The following ANKFN1 variants were observed in gnomAD, a reference collection of about 807,000 sequenced individuals.
ANKFN1 encodes the protein ankyrin repeat and fibronectin type III domain containing 1.
ANKFN1 carries 74 observed loss-of-function variants against 108.7 expected under a neutral mutation model. That is an observed-to-expected ratio of 0.68 (90% CI 0.56 to 0.83). ANKFN1 has a LOEUF of 0.83. ANKFN1 is among the 40% of genes least tolerant of loss of function. ANKFN1 has a pLI of 0.00. For synonymous variants in ANKFN1, 547 were observed against 516.2 expected, an observed-to-expected ratio of 1.06 and a Z score of -0.81; for missense variants, 1,505 against 1,382.3, an observed-to-expected ratio of 1.09 and a Z score of -1.41.
intron 3 of ANKFN1, among the ~76,000 whole-genome samples, chr17:56,313,102 G>T (rs2045089745): frequency 6.6e-6 from 1 of 150,596 alleles, no homozygotes; most frequent in Non-Finnish European, 1.5e-5. Context: ...GCAATGAGCT[G>T]AGATCATGCC....
At chr17:56,349,793 C>T (rs2046200117) in intron 4 of ANKFN1, among the ~76,000 whole-genome samples, 1 of 152,056 alleles carries the variant, frequency 6.6e-6, no homozygotes, top group Non-Finnish European at 1.5e-5. Context: ...AAATTTAAAA[C>T]ATCTGAGGGG....
intron 8 of ANKFN1, among the ~76,000 whole-genome samples, chr17:56,421,332 A>G (rs1239641440): frequency 6.6e-6 from 1 of 152,182 alleles, no homozygotes; most frequent in Non-Finnish European, 1.5e-5. Context: ...AACGTATGTC[A>G]GTTCTGGATG....
At chr17:56,485,623 T>C (rs1222689062) in intron 18 of ANKFN1, among the ~76,000 whole-genome samples, 1 of 152,210 alleles carries the variant, frequency 6.6e-6, no homozygotes, top group East Asian at 1.9e-4. Context: ...AATCCAGTGG[T>C]CATCCCCCTA....
chr17:56,096,319 A>T (rs1419467602), intron 4 of ANKFN1, among the ~76,000 whole-genome samples: 1 of 152,160 alleles, frequency 6.6e-6, no homozygotes, highest in Admixed American at 6.5e-5. Context: ...GTTAGTTACC[A>T]TTCTCTCATG....
chr17:56,385,618 T>G (rs993437011), intron 8 of ANKFN1, among the ~76,000 whole-genome samples: 1 of 151,888 alleles, frequency 6.6e-6, no homozygotes, highest in Non-Finnish European at 1.5e-5. Context: ...TCAAACAAAT[T>G]TACAAGAAAA....
chr17:56,450,934 A>G (rs1243701221), intron 11 of ANKFN1, among the ~76,000 whole-genome samples: 2 of 152,208 alleles, frequency 1.3e-5, no homozygotes, highest in South Asian at 2.1e-4. Context: ...AACTTCTGTC[A>G]TGTATATGCT....
rs929947391 is a variant in ANKFN1, at chr17:56,055,596, T to C, written c.288+9271T>C. Reference sequence around the variant, plus strand: ...ATATATATATATATATATGTATATATACACATTTTTTTATCCAGTCAATCA... The same window carrying C: ...ATATATATATATATATATGTATATACACACATTTTTTTATCCAGTCAATCA... On this transcript the variant is annotated intron_variant, in intron 4 of 12. Coordinates refer to the ANKFN1 transcript ENST00000635860. 9.2e-4 allele frequency among the ~76,000 whole-genome samples: 120 copies of C among 130,638 alleles called. 9 individuals carry two copies. The highest frequency in any genetic ancestry group is 3.2e-3 in the African/African-American group (102 of 32,374). 85.7% of individuals were successfully genotyped at this position (130,638 alleles called of 152,430 possible).
intron 2 of ANKFN1, among the ~76,000 whole-genome samples, chr17:56,215,526 G>A (rs1052087995): frequency 5.9e-5 from 9 of 152,214 alleles, no homozygotes; most frequent in South Asian, 2.1e-4. Flanking sequence ...GCATGGGCCC[G>A]AGAAGAAAGA....
intron 4 of ANKFN1, among the ~76,000 whole-genome samples, chr17:56,132,713 C>G (rs138315598): frequency 6.6e-6 from 1 of 152,264 alleles, no homozygotes; most frequent in East Asian, 1.9e-4. Flanking sequence ...GATTCAGCAT[C>G]TGATGAGGGC....
chr17:56,325,547 T>G (rs1451933585), intron 3 of ANKFN1, among the ~76,000 whole-genome samples: 1 of 152,226 alleles, frequency 6.6e-6, no homozygotes, highest in East Asian at 1.9e-4. Flanking sequence ...CTGAGCCTCT[T>G]GCTGTCCTAA....
At chr17:56,493,626 G>A (rs926092309) in intron 19 of ANKFN1, among the ~76,000 whole-genome samples, 2 of 152,080 alleles carry the variant, frequency 1.3e-5, no homozygotes, top group Non-Finnish European at 2.9e-5. Context: ...AGGCAGTAGG[G>A]AGCTACCCAA....
chr17:56,129,006 A>G (rs1412907788), intron 4 of ANKFN1, among the ~76,000 whole-genome samples: 2 of 152,212 alleles, frequency 1.3e-5, no homozygotes, highest in Non-Finnish European at 2.9e-5. Flanking sequence ...ATATAAATAT[A>G]CATTTTAGCT....
intron 1 of ANKFN1, among the ~76,000 whole-genome samples, chr17:56,170,971 T>C (rs1910644292): frequency 6.6e-6 from 1 of 151,424 alleles, no homozygotes; most frequent in Admixed American, 6.6e-5. Context: ...ACTTTTAAAC[T>C]TATCTTGGGG....
intron 1 of ANKFN1, among the ~76,000 whole-genome samples, chr17:56,162,431 G>C (rs1909748003): frequency 6.6e-6 from 1 of 152,148 alleles, no homozygotes; most frequent in Non-Finnish European, 1.5e-5. Flanking sequence ...CTGGCTTATA[G>C]ATGGCCATCC....
intron 6 of ANKFN1, among the ~76,000 whole-genome samples, chr17:56,366,357 T>C (rs753119383): frequency 1.8e-4 from 27 of 152,204 alleles, no homozygotes; most frequent in Non-Finnish European, 7.3e-5. Flanking sequence ...GAGCCAACCA[T>C]AGCTCAAGAG....
At chr17:56,386,753 T>C (rs2047288086) in intron 8 of ANKFN1, among the ~76,000 whole-genome samples, 1 of 152,064 alleles carries the variant, frequency 6.6e-6, no homozygotes, top group Admixed American at 6.5e-5. Flanking sequence ...TTATCGTCTT[T>C]TATCAAAATT....
chr17:56,125,448 G>A (rs62072970), intron 4 of ANKFN1, among the ~76,000 whole-genome samples: 2,025 of 152,328 alleles, frequency 0.013, 11 homozygotes, highest in Non-Finnish European at 0.022. Flanking sequence ...AGGTCTCATA[G>A]AAGAAATGAG....
Position 56,092,008 on chromosome 17 carries a change from G to A in ANKFN1, c.288+45683G>A, listed in dbSNP as rs561769217. 6.6e-5 allele frequency among the ~76,000 whole-genome samples: 10 copies of A among 151,370 alleles called. No individual in the cohort carries two copies. The East Asian group carries it at 1.9e-3, about 29-fold the overall frequency. On this transcript the variant is annotated intron_variant, in intron 4 of 12. Transcript: ENST00000635860. ...GGCATTTCCAAATTGCTGTTACCTC[G>A]AAAGCTTGCAACAAGATATGTAAAA...
intron 2 of ANKFN1, among the ~76,000 whole-genome samples, chr17:56,220,824 A>AAGGG (rs1915806680): frequency 2.0e-5 from 1 of 50,244 alleles, no homozygotes; most frequent in African/African-American, 1.9e-4. Flanking sequence ...GGAAGGAAGG[A>AAGGG]AGGAAGGGAG....
Sources: allele counts gnomAD v4.1 joint callset (sites outside exome capture counted in the v4.1 genomes callset), GRCh38; gene constraint gnomAD v4.1.1; transcripts MANE v1.5; gene names NCBI Gene and HGNC (gene_info 2026-07-23, HGNC 2026-07-21).